COL28A1: variants seen among roughly 807,000 people sequenced by gnomAD.
The protein encoded by COL28A1 is collagen type XXVIII alpha 1 chain.
In COL28A1, 161 loss-of-function variants were observed where a neutral mutation model predicts 150.2. The observed-to-expected ratio is 1.07, with a 90% CI of 0.94 to 1.22. The LOEUF (loss-of-function observed/expected upper bound fraction) is 1.22, where lower values mean the gene tolerates loss of function less well. Ranked by LOEUF, COL28A1 falls within the 50% of genes most tolerant of loss-of-function variation. The pLI, the probability that COL28A1 is intolerant of heterozygous loss-of-function variation, is 0.00. For synonymous variants in COL28A1, 552 were observed against 469.7 expected (o/e 1.18, Z -2.26); for missense variants, 1,617 against 1,388.3 (o/e 1.16, Z -2.62).
chr7:7,411,370 C>G (rs1783781623), intron 27 of COL28A1, among the ~76,000 whole-genome samples: 1 of 152,182 alleles, frequency 6.6e-6, no homozygotes, highest in South Asian at 2.1e-4. Flanking sequence ...CCCATTTATG[C>G]TACACTCTGC....
chr7:7,394,894 A>AACTGT (rs752927036), intron 27 of COL28A1, among the ~76,000 whole-genome samples: 5 of 152,216 alleles, frequency 3.3e-5, no homozygotes, highest in Non-Finnish European at 7.3e-5. Flanking sequence ...ACATTTACAA[A>AACTGT]ACTGTACTAG....
At chr7:7,354,873 C>A (rs545669933), downstream of COL28A1, among the ~76,000 whole-genome samples, 1 of 152,180 alleles carries the variant, frequency 6.6e-6, no homozygotes, top group Admixed American at 6.5e-5. Context: ...GGTTTGGATG[C>A]CTCTGACACC....
chr7:7,419,090 T>A (rs1784260398), intron 26 of COL28A1, among the ~76,000 whole-genome samples: 1 of 152,182 alleles, frequency 6.6e-6, no homozygotes, highest in Admixed American at 6.5e-5. Context: ...ACATCTATTT[T>A]CCCTATTGAA....
At chr7:7,369,120 G>GA in intron 33 of COL28A1, among the ~76,000 whole-genome samples, 1 of 152,296 alleles carries the variant, frequency 6.6e-6, no homozygotes, top group Non-Finnish European at 1.5e-5. Context: ...GATGAAACCT[G>GA]AGCTTGCTCT....
intron 16 of COL28A1, among the ~76,000 whole-genome samples, chr7:7,455,235 G>C (rs1787048723): frequency 6.6e-6 from 1 of 152,124 alleles, no homozygotes; most frequent in Non-Finnish European, 1.5e-5. Context: ...TTTCTAACCA[G>C]GAGATATTTA....
intron 2 of COL28A1, 36 bp downstream of exon 2, chr7:7,532,716 G>A (rs763787498): frequency 1.3e-6 from 2 of 1,584,156 alleles, no homozygotes; most frequent in East Asian, 4.5e-5. Flanking sequence ...TTTTTAACAG[G>A]CTAAACTTAA....
intron 16 of COL28A1, among the ~76,000 whole-genome samples, chr7:7,454,687 A>C (rs1787000522): frequency 6.6e-6 from 1 of 152,158 alleles, no homozygotes; most frequent in African/African-American, 2.4e-5. Flanking sequence ...CCTCATATTT[A>C]GCCCCATAGT....
At position 7,457,704 on chromosome 7, in the gene COL28A1, A is replaced by C. The variant is rs549747066; in HGVS notation, c.1303-1592T>G. Among the ~76,000 whole-genome samples the C allele has an allele frequency of 4.6e-4, 70 of 152,324 alleles. 1 individual carries two copies. Among genetic ancestry groups the C allele is most frequent in the African/African-American group, 1.4e-3 (60 of 41,574 alleles). ...TCATTAGAGGTCAGAGAGATGAAGA[A>C]GTCACAGCAGTGGAGACTGAGAAGG... On this transcript the variant is annotated intron_variant, in intron 15 of 34. Transcript: ENST00000399429.
intron 11 of COL28A1, among the ~76,000 whole-genome samples, chr7:7,504,080 A>G (rs1010521839): frequency 2.0e-5 from 3 of 152,236 alleles, no homozygotes; most frequent in African/African-American, 7.2e-5. Flanking sequence ...ATTATGTCAG[A>G]AAAATTATAA....
chr7:7,521,769 T>C, intron 5 of COL28A1, 136 bp downstream of exon 5: 1 of 659,578 alleles, frequency 1.5e-6, no homozygotes. Flanking sequence ...AAGAAAGAAG[T>C]AGCATTTCCA....
Position 7,531,798 on chromosome 7 carries a change from C to G in COL28A1, c.231G>C (p.Lys77Asn), listed in dbSNP as rs548993669. 200 of 1,603,898 alleles carry G rather than the reference C, an allele frequency of 1.2e-4. No individual in the cohort carries two copies. The highest frequency in any genetic ancestry group is 1.5e-4 in the Non-Finnish European group (179 of 1,170,856). Residue 77 changes from lysine to asparagine, a missense_variant, in exon 3 of 35, where the codon AAG becomes AAC. Lys to Asn is a moderately conservative substitution (Grantham distance 94). Transcript: ENST00000399429. ...QKDFVDSLSD[K>N]IFQLTPGRSL... is the part of the protein sequence containing the mutation. Reference sequence around the variant, plus strand: ...AGCGACCAGGAGTCAATTGGAAAATCTTGTCACTCAAGCTATCCACAAAAT... The same window carrying G: ...AGCGACCAGGAGTCAATTGGAAAATGTTGTCACTCAAGCTATCCACAAAAT...
the COL28A1 span, among the ~76,000 whole-genome samples, chr7:7,348,469 C>T: frequency 6.6e-6 from 1 of 150,550 alleles, no homozygotes; most frequent in African/African-American, 2.5e-5. Context: ...CACACTCTCA[C>T]TCGCTCACTC....
At chr7:7,420,672 G>A (rs1252694433) in intron 25 of COL28A1, among the ~76,000 whole-genome samples, 2 of 152,290 alleles carry the variant, frequency 1.3e-5, no homozygotes, top group African/African-American at 2.4e-5. Context: ...CTGAACCTCG[G>A]TAAATTCATC....
intron 5 of COL28A1, among the ~76,000 whole-genome samples, chr7:7,520,915 G>A (rs1781688022): frequency 6.6e-6 from 1 of 152,152 alleles, no homozygotes; most frequent in Non-Finnish European, 1.5e-5. Context: ...TCTACTGGCT[G>A]CCCCACTATC....
chr7:7,472,034 A>G (rs1004570018), intron 15 of COL28A1, among the ~76,000 whole-genome samples: 1 of 152,230 alleles, frequency 6.6e-6, no homozygotes, highest in Non-Finnish European at 1.5e-5. Context: ...AGGTAATAAC[A>G]ACCATCTATG....
intron 32 of COL28A1, among the ~76,000 whole-genome samples, chr7:7,371,382 T>A (rs995211897): frequency 6.6e-6 from 1 of 152,222 alleles, no homozygotes; most frequent in Non-Finnish European, 1.5e-5. Flanking sequence ...AACCCACCAG[T>A]CAGCCAGCAG....
chr7:7,380,069 A>T (rs1335861100), intron 30 of COL28A1, among the ~76,000 whole-genome samples: 2 of 152,142 alleles, frequency 1.3e-5, no homozygotes, highest in African/African-American at 2.4e-5. Context: ...TCAACCCCAG[A>T]AGACAGATTG....
chr7:7,420,251 C>A (rs1442340028), intron 25 of COL28A1: 6 of 200,126 alleles, frequency 3.0e-5, no homozygotes, highest in Non-Finnish European at 4.0e-5. Flanking sequence ...GAAGAAGAGA[C>A]AAGAATAAAA....
chr7:7,443,452 C>T (rs10234554), intron 20 of COL28A1, 133 bp downstream of exon 20: 399,181 of 1,340,586 alleles, frequency 0.3, 67,221 homozygotes, highest in African/African-American at 0.71. Context: ...GCTTCCAAGA[C>T]AGTATTCATA....
Sources: gnomAD v4.1 joint callset for allele counts (sites outside exome capture counted in the v4.1 genomes callset) on GRCh38, gnomAD v4.1.1 for gene constraint, MANE v1.5 for transcripts, NCBI Gene and HGNC (gene_info 2026-07-23, HGNC 2026-07-21) for gene names.